The following PCDHA2 variants were observed in gnomAD, a reference collection of about 807,000 sequenced individuals.
PCDHA2 encodes protocadherin alpha 2.
In PCDHA2, 58 loss-of-function variants were observed where a neutral mutation model predicts 66.0. The ratio of observed to expected loss-of-function variants is 0.88; its 90% confidence interval spans 0.71 to 1.09. PCDHA2 has a LOEUF of 1.09. Ranked by LOEUF, PCDHA2 falls within the 50% of genes least tolerant of loss-of-function variation. The pLI is 0.00. For synonymous variants in PCDHA2, 634 were observed against 554.0 expected (o/e 1.14, Z -2.03); for missense variants, 1,267 against 1,242.3 (o/e 1.02, Z -0.30).
rs1554120408 is a variant in PCDHA2, at chr5:140,797,328, C to T, written c.2364C>T (p.Leu788=). Reference sequence around the variant, plus strand: ...CAGACTCCGCAGAAGAGAAACAGCTCTCAGAATCAGAATACGTAGGAAAGG... The same window carrying T: ...CAGACTCCGCAGAAGAGAAACAGCTTTCAGAATCAGAATACGTAGGAAAGG... The part of the protein sequence containing the change: ...QGPDSAEEKQ[L]SESEYVGKPR... The change falls in exon 1 of 4, where the codon CTC becomes CTT. Residue 788 remains leucine, a synonymous_variant. Transcript: ENST00000526136. The T allele has an allele frequency of 1.9e-6, 3 of 1,614,180 alleles. No homozygotes were observed. The highest frequency in any genetic ancestry group is 2.5e-6 in the Non-Finnish European group (3 of 1,180,022).
intron 1 of PCDHA2, chr5:140,871,232 T>C: frequency 6.2e-7 from 1 of 1,613,948 alleles, no homozygotes; most frequent in South Asian, 1.1e-5. Flanking sequence ...TCCAGCCTCC[T>C]GGTACTCACG....
intron 1 of PCDHA2, chr5:140,870,381 G>T: frequency 6.2e-7 from 1 of 1,614,214 alleles, no homozygotes; most frequent in African/African-American, 1.3e-5. Flanking sequence ...TGGTGACTGC[G>T]CGGGATGGGG....
intron 1 of PCDHA2, chr5:140,821,815 C>T (rs2150110847): frequency 5.4e-5 from 87 of 1,613,842 alleles, no homozygotes; most frequent in Non-Finnish European, 6.0e-5. Flanking sequence ...ATCCCGGCTC[C>T]TGCTGCTCTG....
intron 1 of PCDHA2, chr5:140,967,329 G>A: frequency 6.2e-7 from 1 of 1,608,212 alleles, no homozygotes; most frequent in Non-Finnish European, 8.5e-7. Flanking sequence ...TACGAGCTCA[G>A]CCCCAGCGAG....
intron 1 of PCDHA2, chr5:140,813,669 T>C (rs1239487603): frequency 6.6e-6 from 1 of 152,186 alleles, no homozygotes; most frequent in Non-Finnish European, 1.5e-5. Flanking sequence ...TAAAGCACTA[T>C]ACATTTAGGC....
intron 1 of PCDHA2, chr5:140,870,941 C>CGGCG (rs782621545): frequency 1.2e-6 from 2 of 1,613,594 alleles, no homozygotes; most frequent in Non-Finnish European, 1.7e-6. Context: ...TTGCAGCCGG[C>CGGCG]GGCGGGCGGC....
At chr5:140,872,550 C>T (rs1319043831) in intron 1 of PCDHA2, among the ~76,000 whole-genome samples, 1 of 152,046 alleles carries the variant, frequency 6.6e-6, no homozygotes, top group African/African-American at 2.4e-5. Context: ...TCCCCTGAAC[C>T]CAGGGGTTCA....
chr5:140,848,547 C>G, intron 1 of PCDHA2: 1 of 1,595,512 alleles, frequency 6.3e-7, no homozygotes, highest in Non-Finnish European at 8.6e-7. Flanking sequence ...ACTGCTCTCG[C>G]TTCTGATCCT....
At chr5:140,838,664 G>C (rs950566042) in intron 1 of PCDHA2, among the ~76,000 whole-genome samples, 1 of 152,010 alleles carries the variant, frequency 6.6e-6, no homozygotes, top group Non-Finnish European at 1.5e-5. Flanking sequence ...AACGGGGCAT[G>C]GTGGCACACA....
chr5:140,850,664 C>T, intron 1 of PCDHA2: 1 of 1,598,396 alleles, frequency 6.3e-7, no homozygotes, highest in Non-Finnish European at 8.6e-7. Context: ...TGCTGCGGTG[C>T]TCGGCGATGC....
chr5:140,830,174 G>C, intron 1 of PCDHA2: 1 of 1,613,632 alleles, frequency 6.2e-7, no homozygotes, highest in Non-Finnish European at 8.5e-7. Flanking sequence ...GGCGCTGGTG[G>C]ATGTCAACGT....
intron 1 of PCDHA2, chr5:140,877,942 C>T: frequency 7.3e-7 from 1 of 1,367,876 alleles, no homozygotes; most frequent in Admixed American, 3.1e-5. Flanking sequence ...ATCCTTTAAA[C>T]TATCGAATGT....
At chr5:140,881,993 A>C in intron 1 of PCDHA2, 1 of 454,088 alleles carries the variant, frequency 2.2e-6, no homozygotes, top group Non-Finnish European at 3.7e-6. Flanking sequence ...AATGTCAGGA[A>C]ATGCAAGGGG....
chr5:140,941,191 T>TTTTTCTTTC lies in PCDHA2; in HGVS notation c.2389-37755_2389-37754insTCTTTCTTT, dbSNP rs1554213809. 3.1e-4 allele frequency among the ~76,000 whole-genome samples: 29 copies of TTTTTCTTTC among 93,252 alleles called. No homozygotes were observed. The East Asian group carries it at 6.1e-3, about 20-fold the overall frequency. 61.2% of individuals were successfully genotyped at this position (93,252 alleles called of 152,430 possible). On this transcript the variant is annotated intron_variant, in intron 1 of 3. Transcript: ENST00000526136. ...CATCTTGAACATCCTGCTTCTTTTT[T>TTTTTCTTTC]TTTCTTTCTTCCTTTCTTTCTTCCT...
At chr5:140,923,888 G>A (rs575485843) in intron 1 of PCDHA2, among the ~76,000 whole-genome samples, 1 of 152,294 alleles carries the variant, frequency 6.6e-6, no homozygotes, top group Admixed American at 6.5e-5. Context: ...GTGTGAAAGA[G>A]GAGGAGTTTC....
intron 1 of PCDHA2, chr5:140,883,799 C>T: frequency 1.2e-6 from 2 of 1,612,460 alleles, no homozygotes; most frequent in Non-Finnish European, 1.7e-6. Flanking sequence ...CGTGTCGGTG[C>T]ACGCGGAGAG....
chr5:140,884,253 C>G (rs1356283866), intron 1 of PCDHA2: 2 of 1,613,302 alleles, frequency 1.2e-6, no homozygotes, highest in Non-Finnish European at 1.7e-6. Flanking sequence ...CTGACGGCCA[C>G]GGCAACGGTG....
rs782346022 is a variant in PCDHA2 at position 140,877,702 on chromosome 5, G to A, written c.2388+80350G>A. On this transcript the variant is annotated intron_variant, in intron 1 of 3. Coordinates refer to ENST00000526136, the MANE Select transcript of PCDHA2 (RefSeq NM_018905.3). Reference sequence around the variant, plus strand: ...CAAGCCCACGCTGGTGTGCTCCAGCGCCGTGGGGAGTTGGTCTTACTCGCA... The same window carrying A: ...CAAGCCCACGCTGGTGTGCTCCAGCACCGTGGGGAGTTGGTCTTACTCGCA... 52 of 1,613,876 alleles carry A rather than the reference G, an allele frequency of 3.2e-5. No homozygotes were observed. In the Admixed American group the frequency reaches 8.7e-4, roughly 27 times the overall value.
rs141079325 is a variant in PCDHA2 at position 140,900,797 on chromosome 5, T to C, written c.2389-78152T>C. Among the ~76,000 whole-genome samples the C allele has an allele frequency of 8.0e-3, 1,218 of 152,324 alleles. 6 individuals carry two copies. Among genetic ancestry groups the C allele is most frequent in the African/African-American group, 0.019 (783 of 41,568 alleles). On this transcript the variant is annotated intron_variant, in intron 1 of 3. Coordinates refer to ENST00000526136, the MANE Select transcript of PCDHA2 (RefSeq NM_018905.3). ...TGAGGAAACTCCAAACTGTTCTCCA[T>C]AGTGCTTGTACTAATTTACATTCCC...
Sources: gnomAD v4.1 joint callset for allele counts (sites outside exome capture counted in the v4.1 genomes callset) on GRCh38, gnomAD v4.1.1 for gene constraint, MANE v1.5 for transcripts, NCBI Gene and HGNC (gene_info 2026-07-23, HGNC 2026-07-21) for gene names.